Variants in SYNJ2BP observed in about 807,000 individuals in gnomAD.
The protein encoded by SYNJ2BP is synaptojanin 2 binding protein.
SYNJ2BP carries 10 observed loss-of-function variants against 16.9 expected under a neutral mutation model. The ratio of observed to expected loss-of-function variants is 0.59; its 90% confidence interval spans 0.36 to 1.00. The LOEUF (loss-of-function observed/expected upper bound fraction) is 1.00, where lower values mean the gene tolerates loss of function less well. Ranked by LOEUF, SYNJ2BP falls within the 50% of genes least tolerant of loss-of-function variation. The pLI, the probability that SYNJ2BP is intolerant of heterozygous loss-of-function variation, is 0.01. For missense variants in SYNJ2BP, 162 were observed against 186.7 expected (o/e 0.87, Z 0.77); for synonymous variants, 54 against 68.4 (o/e 0.79, Z 1.04).
chr14:70,411,770 G>A (rs2140876051), intron 1 of SYNJ2BP, among the ~76,000 whole-genome samples: 1 of 152,290 alleles, frequency 6.6e-6, no homozygotes, highest in South Asian at 2.1e-4. Flanking sequence ...TCCCAACACA[G>A]GGTCAGATTA....
chr14:70,406,223 C>T (rs1296887492), intron 1 of SYNJ2BP, among the ~76,000 whole-genome samples: 2 of 152,170 alleles, frequency 1.3e-5, no homozygotes, highest in South Asian at 2.1e-4. Flanking sequence ...CAGAATAACA[C>T]ACCCAACAAC....
intron 2 of SYNJ2BP, among the ~76,000 whole-genome samples, chr14:70,381,099 C>A (rs1249122966): frequency 6.6e-6 from 1 of 152,216 alleles, no homozygotes; most frequent in African/African-American, 2.4e-5. Context: ...CTGACATAAT[C>A]TCAGTACTAC....
At chr14:70,389,063 C>T (rs576586744) in intron 1 of SYNJ2BP, among the ~76,000 whole-genome samples, 4 of 152,040 alleles carry the variant, frequency 2.6e-5, no homozygotes, top group Admixed American at 2.0e-4. Context: ...TTGCCTTGGC[C>T]TCCCAAAGTT....
chr14:70,375,583 A>T, intron 3 of SYNJ2BP, 93 bp downstream of exon 3: 4 of 1,439,924 alleles, frequency 2.8e-6, no homozygotes, highest in Non-Finnish European at 3.7e-6. Context: ...AGGGTAAAAC[A>T]AAAAGCAACA....
At chr14:70,388,776 G>C (rs1188468640) in intron 1 of SYNJ2BP, among the ~76,000 whole-genome samples, 170 bp from the exon 2 acceptor site, 1 of 152,156 alleles carries the variant, frequency 6.6e-6, no homozygotes, top group Non-Finnish European at 1.5e-5. Context: ...AACAAGGTCA[G>C]CCATATCAAG....
chr14:70,386,954 G>T (rs1019662847), intron 2 of SYNJ2BP, among the ~76,000 whole-genome samples: 1 of 152,090 alleles, frequency 6.6e-6, no homozygotes, highest in Non-Finnish European at 1.5e-5. Flanking sequence ...TTATTTCAAC[G>T]TTTTCCCAAC....
intron 1 of SYNJ2BP, among the ~76,000 whole-genome samples, chr14:70,405,451 G>A (rs113682025): frequency 6.6e-6 from 1 of 152,000 alleles, no homozygotes; most frequent in Non-Finnish European, 1.5e-5. Flanking sequence ...TAGAAGTTTT[G>A]TGGAACATGA....
Position 70,417,006 on chromosome 14 carries a change from G to A in SYNJ2BP, c.-43C>T. On this transcript the variant is annotated 5_prime_UTR_variant, in exon 1 of 4. Coordinates refer to ENST00000256366, the MANE Select transcript of SYNJ2BP (RefSeq NM_018373.3). The stretch of plus-strand genomic sequence containing the variant: ...GCTTCCTACTTGGGTCAGCTGGAGT[G>A]CAGCACAGGTGAAGGTGAATCAATC... 1 of 1,614,012 alleles carries A rather than the reference G, an allele frequency of 6.2e-7. No individual in the cohort carries two copies. Among genetic ancestry groups the A allele is most frequent in the Non-Finnish European group, 8.5e-7 (1 of 1,179,958 alleles).
At position 70,391,428 on chromosome 14, in the gene SYNJ2BP, G is replaced by A. The variant is rs546808593; in HGVS notation, c.65-2822C>T. 6.1e-3 allele frequency among the ~76,000 whole-genome samples: 927 copies of A among 152,308 alleles called. 6 individuals carry two copies. Among genetic ancestry groups the A allele is most frequent in the African/African-American group, 0.021 (880 of 41,570 alleles). On this transcript the variant is annotated intron_variant, in intron 1 of 3. Coordinates refer to ENST00000256366, the MANE Select transcript of SYNJ2BP (RefSeq NM_018373.3). ...GTATCATAGAAGGTAGGAAGTATTG[G>A]AGAAGGTACAGAAATGTAAGATAAG...
At chr14:70,406,597 G>A (rs559387459) in intron 1 of SYNJ2BP, among the ~76,000 whole-genome samples, 13 of 152,144 alleles carry the variant, frequency 8.5e-5, no homozygotes, top group African/African-American at 2.7e-4. Context: ...GGATAACATC[G>A]CGATTGTAAA....
chr14:70,373,261 CAGA>C (rs1887556499), intron 3 of SYNJ2BP, 130 bp from the exon 4 acceptor site: 4 of 1,188,788 alleles, frequency 3.4e-6, no homozygotes, highest in South Asian at 1.6e-5. Context: ...CAATACCTAG[CAGA>C]AGGAGTCCTC....
At chr14:70,385,067 C>T (rs968230153) in intron 2 of SYNJ2BP, among the ~76,000 whole-genome samples, 1 of 152,104 alleles carries the variant, frequency 6.6e-6, no homozygotes, top group Non-Finnish European at 1.5e-5. Context: ...TATCTTTTTA[C>T]ATCTTTATAT....
At chr14:70,400,710 C>T (rs1300990122) in intron 1 of SYNJ2BP, among the ~76,000 whole-genome samples, 2 of 152,150 alleles carry the variant, frequency 1.3e-5, no homozygotes, top group Non-Finnish European at 2.9e-5. Context: ...ACTAAAGACA[C>T]GTTTTACATT....
intron 1 of SYNJ2BP, among the ~76,000 whole-genome samples, chr14:70,392,681 C>T (rs1162355239): frequency 2.0e-5 from 3 of 152,134 alleles, no homozygotes; most frequent in Non-Finnish European, 2.9e-5. Context: ...AAATTCCACC[C>T]ATCTATAAAC....
At chr14:70,407,741 A>G (rs1294245405) in intron 1 of SYNJ2BP, among the ~76,000 whole-genome samples, 3 of 151,872 alleles carry the variant, frequency 2.0e-5, no homozygotes, top group African/African-American at 7.2e-5. Flanking sequence ...TCTACTTTGC[A>G]TTATACAGTA....
intron 1 of SYNJ2BP, among the ~76,000 whole-genome samples, chr14:70,399,167 C>T (rs1013787596): frequency 1.3e-5 from 2 of 152,156 alleles, no homozygotes; most frequent in Non-Finnish European, 2.9e-5. Context: ...GGGGCCCCAA[C>T]GTGCGGCCCC....
At chr14:70,393,457 T>C (rs1888022061) in intron 1 of SYNJ2BP, among the ~76,000 whole-genome samples, 1 of 152,208 alleles carries the variant, frequency 6.6e-6, no homozygotes, top group Admixed American at 6.5e-5. Flanking sequence ...ACTGGGTATA[T>C]ACCCAAAGGA....
intron 1 of SYNJ2BP, among the ~76,000 whole-genome samples, chr14:70,391,348 T>C (rs1185722724): frequency 1.3e-5 from 2 of 152,184 alleles, no homozygotes; most frequent in East Asian, 3.9e-4. Context: ...AAGGGCTGGG[T>C]ATTAAAAATA....
At chr14:70,395,471 T>A (rs1160998538) in intron 1 of SYNJ2BP, among the ~76,000 whole-genome samples, 22 of 151,164 alleles carry the variant, frequency 1.5e-4, no homozygotes, top group Admixed American at 1.4e-3. Context: ...CTCCATTGGA[T>A]ACACAACCCC....
Sources: gnomAD v4.1 joint callset for allele counts (sites outside exome capture counted in the v4.1 genomes callset) on GRCh38, gnomAD v4.1.1 for gene constraint, MANE v1.5 for transcripts, NCBI Gene and HGNC (gene_info 2026-07-23, HGNC 2026-07-21) for gene names.